The following DDX4 variants were observed in gnomAD, a reference collection of about 807,000 sequenced individuals.
DDX4 encodes the protein probable ATP-dependent RNA helicase DDX4.
DDX4 carries 25 observed loss-of-function variants against 100.0 expected under a neutral mutation model. The observed-to-expected ratio is 0.25, with a 90% CI of 0.18 to 0.35. The LOEUF (loss-of-function observed/expected upper bound fraction) is 0.35, where lower values mean the gene tolerates loss of function less well. Among genes scored for constraint, DDX4 ranks in the 10% least tolerant of loss-of-function variants. DDX4 has a pLI of 1.00. For synonymous variants in DDX4, 259 were observed against 275.7 expected, an observed-to-expected ratio of 0.94 and a Z score of 0.60; for missense variants, 635 against 882.4, an observed-to-expected ratio of 0.72 and a Z score of 3.55.
At position 55,813,784 on chromosome 5, in the gene DDX4, A is replaced by G. The variant is rs113968387; in HGVS notation, c.1715+12A>G. The G allele has an allele frequency of 8.3e-4, 1,293 of 1,564,754 alleles. 6 individuals are homozygous for G. In the African/African-American group the frequency reaches 0.016, roughly 20 times the overall value. On this transcript the variant is annotated intron_variant, in intron 19 of 21. Transcript: ENST00000505374. The stretch of plus-strand genomic sequence containing the variant: ...ACAAGTATTCATGGGTGAGTAGATG[A>G]ATATAATTACCTATTAGGGGAATGA...
At chr5:55,777,534 A>T (rs1407068354) in intron 7 of DDX4, 2 of 152,152 alleles carry the variant, frequency 1.3e-5, no homozygotes, top group African/African-American at 4.8e-5. Context: ...GCAGGGTTGG[A>T]CCTGGTTAGT....
chr5:55,738,791 TAAG>T (rs1227529671), intron 1 of DDX4, among the ~76,000 whole-genome samples, 156 bp from the exon 2 acceptor site: 3 of 152,214 alleles, frequency 2.0e-5, no homozygotes, highest in East Asian at 3.8e-4. Flanking sequence ...CACCTTTAGA[TAAG>T]AAGAGACCTA....
chr5:55,796,326 A>G (rs1742932953), intron 17 of DDX4, among the ~76,000 whole-genome samples: 1 of 152,168 alleles, frequency 6.6e-6, no homozygotes, highest in South Asian at 2.1e-4. Flanking sequence ...GTTGACACCA[A>G]ATATTAACCA....
intron 4 of DDX4, among the ~76,000 whole-genome samples, chr5:55,762,599 A>T (rs1740634221): frequency 1.3e-5 from 2 of 152,268 alleles, no homozygotes; most frequent in Admixed American, 1.3e-4. Flanking sequence ...GGTGTGAATT[A>T]AAATGTTGGG....
At chr5:55,782,240 G>A (rs1339800158) in intron 10 of DDX4, 2 of 366,446 alleles carry the variant, frequency 5.5e-6, no homozygotes, top group African/African-American at 2.0e-5. Flanking sequence ...GGAAATAAAT[G>A]TACAAGGATG....
chr5:55,760,106 T>C lies in DDX4; in HGVS notation c.128-94T>C. ...ACCTTTTTTACTGCTATATAAAATT[T>C]CTCCTTTGCCACATGTGGCACAGAA... On this transcript the variant is annotated intron_variant, in intron 3 of 21. Coordinates refer to ENST00000505374, the MANE Select transcript of DDX4 (RefSeq NM_024415.3). 3 of 1,366,312 alleles carry C rather than the reference T, an allele frequency of 2.2e-6. No homozygotes were observed. In the South Asian group the frequency reaches 4.6e-5, roughly 21 times the overall value. 84.6% of individuals were successfully genotyped at this position (1,366,312 alleles called of 1,614,324 possible).
chr5:55,788,896 T>C (rs1451257666), intron 15 of DDX4, among the ~76,000 whole-genome samples: 3 of 152,206 alleles, frequency 2.0e-5, no homozygotes, highest in African/African-American at 4.8e-5. Flanking sequence ...TGAAAACCCA[T>C]CTCTACAAAA....
At chr5:55,762,395 A>C (rs1740619944) in intron 4 of DDX4, among the ~76,000 whole-genome samples, 1 of 152,174 alleles carries the variant, frequency 6.6e-6, no homozygotes, top group African/African-American at 2.4e-5. Context: ...TACAGATAGT[A>C]TGCTGTGGGA....
chr5:55,754,798 G>C (rs1252157231), intron 3 of DDX4, among the ~76,000 whole-genome samples: 1 of 151,244 alleles, frequency 6.6e-6, no homozygotes, highest in Non-Finnish European at 1.5e-5. Context: ...GAATCCATCT[G>C]GTCCTGGACT....
At position 55,744,640 on chromosome 5, in the gene DDX4, T is replaced by A. The variant is rs144550868; in HGVS notation, c.70-1524T>A. Among the ~76,000 whole-genome samples, 277 of 152,360 alleles carry A rather than the reference T, an allele frequency of 1.8e-3. 1 individual carries two copies. The highest frequency in any genetic ancestry group is 0.014 in the Middle Eastern group (4 of 294). On this transcript the variant is annotated intron_variant, in intron 2 of 21. Transcript: ENST00000505374. Reference sequence around the variant, plus strand: ...TACCACTGCTAATGTAATGCATGTGTGTTAATAGTAAATGATTTTCTTTAG... The same window carrying A: ...TACCACTGCTAATGTAATGCATGTGAGTTAATAGTAAATGATTTTCTTTAG...
intron 6 of DDX4, among the ~76,000 whole-genome samples, chr5:55,765,496 G>A (rs1740860088): frequency 6.8e-6 from 1 of 146,638 alleles, no homozygotes; most frequent in Non-Finnish European, 1.5e-5. Context: ...GCTCACGGTA[G>A]AAGCTTTTTA....
At chr5:55,755,762 T>C (rs1464902232) in intron 3 of DDX4, among the ~76,000 whole-genome samples, 1 of 152,066 alleles carries the variant, frequency 6.6e-6, no homozygotes, top group South Asian at 2.1e-4. Flanking sequence ...ATAGATTCAA[T>C]ATGTATTTCA....
Position 55,790,632 on chromosome 5 carries a change from G to T in DDX4, c.1229G>T (p.Arg410Leu), listed in dbSNP as rs1180971214. Residue 410 changes from arginine to leucine, a missense_variant, in exon 16 of 22, where the codon CGA (arginine) becomes CTA (leucine). By Grantham distance (102) the Arg-to-Leu change is moderately radical. This residue lies in a region of DDX4 where 446 missense variants were observed against 540.8 expected (regional missense o/e 0.82). Transcript: ENST00000505374. ...YGGTQLGHSI[R>L]QIVQGCNILC... ...GGAACCCAGCTGGGACATTCAATTCGACAAATAGTACAAGGCTGTAATATA... is the reference window on the plus strand; with the variant it reads ...GGAACCCAGCTGGGACATTCAATTCTACAAATAGTACAAGGCTGTAATATA... 1.2e-6 allele frequency: 2 copies of T among 1,606,542 alleles called. No homozygotes were observed. Among genetic ancestry groups the T allele is most frequent in the South Asian group, 1.1e-5 (1 of 90,896 alleles).
Position 55,785,434 on chromosome 5 carries a change from G to T in DDX4, c.674-13G>T. On this transcript the variant is annotated splice_polypyrimidine_tract_variant and intron_variant, in intron 11 of 21. Transcript: ENST00000505374. ...AAAAACATGTATCTCTTTTTTATTTGATCCTCTTCAAGATTCTTGGAAGTC... is the reference window on the plus strand; with the variant it reads ...AAAAACATGTATCTCTTTTTTATTTTATCCTCTTCAAGATTCTTGGAAGTC... 2 of 1,604,446 alleles carry T rather than the reference G, an allele frequency of 1.2e-6. 1 individual carries two copies. The highest frequency in any genetic ancestry group is 3.5e-4 in the Middle Eastern group (2 of 5,712).
At chr5:55,775,363 C>T (rs1194794486) in intron 7 of DDX4, among the ~76,000 whole-genome samples, 1 of 152,188 alleles carries the variant, frequency 6.6e-6, no homozygotes, top group Non-Finnish European at 1.5e-5. Context: ...TGGTTATATA[C>T]TTACAAGTTG....
rs1450493875 is a variant in DDX4 at position 55,782,689 on chromosome 5, T to C, written c.625+708T>C. ...GGAAGTTAAAGACAGATATAATATG[T>C]ACAAATCCTTATTAAAACAATATGC... On this transcript the variant is annotated intron_variant, in intron 10 of 21. Transcript: ENST00000505374. Among the ~76,000 whole-genome samples the C allele has an allele frequency of 2.6e-5, 4 of 152,276 alleles. No homozygotes were observed. The East Asian group carries it at 7.7e-4, about 29-fold the overall frequency.
intron 18 of DDX4, among the ~76,000 whole-genome samples, chr5:55,804,338 T>C (rs1252459715): frequency 7.4e-5 from 11 of 148,412 alleles, no homozygotes; most frequent in South Asian, 2.2e-4. Context: ...TAGATCCCAT[T>C]TGTCAATTTT....
intron 18 of DDX4, among the ~76,000 whole-genome samples, chr5:55,809,244 C>T (rs559789903): frequency 1.3e-5 from 2 of 152,310 alleles, no homozygotes; most frequent in East Asian, 1.9e-4. Flanking sequence ...AAAGGGAATT[C>T]CCTGACCCCT....
intron 7 of DDX4, among the ~76,000 whole-genome samples, chr5:55,773,347 C>T (rs1272280848): frequency 1.3e-5 from 2 of 152,170 alleles, no homozygotes; most frequent in Non-Finnish European, 2.9e-5. Flanking sequence ...CTAATGCTGC[C>T]GTATTCATTT....
Sources: allele counts gnomAD v4.1 joint callset (sites outside exome capture counted in the v4.1 genomes callset), GRCh38; gene constraint gnomAD v4.1.1; regional missense constraint gnomAD v4.1.1; transcripts MANE v1.5; gene names NCBI Gene and HGNC (gene_info 2026-07-23, HGNC 2026-07-21).